Variants in DTYMK observed in about 807,000 individuals in gnomAD.
DTYMK encodes deoxythymidylate kinase.
Under a neutral mutation model 20.3 loss-of-function variants are expected in DTYMK, and 20 were observed. The ratio of observed to expected loss-of-function variants is 0.99; its 90% confidence interval spans 0.69 to 1.43. The LOEUF is 1.43. Ranked by LOEUF, DTYMK falls within the 40% of genes most tolerant of loss-of-function variation. The probability of loss-of-function intolerance (pLI) is 0.00; values close to 1 mark genes in which losing one functional copy is unlikely to be tolerated. For synonymous variants in DTYMK, 148 were observed against 124.4 expected, an observed-to-expected ratio of 1.19 and a Z score of -1.27; for missense variants, 320 against 291.1, an observed-to-expected ratio of 1.10 and a Z score of -0.72.
intron 2 of DTYMK, chr2:241,682,689 A>C (rs2069288394): frequency 5.8e-6 from 1 of 172,132 alleles, no homozygotes; most frequent in Non-Finnish European, 1.3e-5. Context: ...TGGGAGGCTA[A>C]AGCAGGTGGA....
chr2:241,681,217 G>A (rs1158637598), intron 2 of DTYMK, among the ~76,000 whole-genome samples: 2 of 152,204 alleles, frequency 1.3e-5, no homozygotes, highest in East Asian at 3.8e-4. Context: ...CAGTCTCACT[G>A]GGGCCTTCAA....
At chr2:241,680,857 A>G (rs2069242448) in intron 2 of DTYMK, among the ~76,000 whole-genome samples, 1 of 152,328 alleles carries the variant, frequency 6.6e-6, no homozygotes, top group Middle Eastern at 3.4e-3. Context: ...AATAGTAACA[A>G]ACACAACTGG....
intron 1 of DTYMK, among the ~76,000 whole-genome samples, chr2:241,686,086 T>C (rs1296411570): frequency 2.0e-5 from 3 of 152,100 alleles, no homozygotes; most frequent in Non-Finnish European, 4.4e-5. Context: ...GGATGAAAAA[T>C]GCTTTAGGAA....
chr2:241,684,718 CAACATT>C lies in DTYMK; in HGVS notation c.239+1045_239+1050del, dbSNP rs1052974532. On this transcript the variant is annotated intron_variant, in intron 2 of 4. Transcript: ENST00000305784. ...ATAAAAACATTGAAAGAACACACATCAACATTAAGTGTTGAATGAAGAGGAAACCTA... is the reference window on the plus strand; with the variant it reads ...ATAAAAACATTGAAAGAACACACATCAAGTGTTGAATGAAGAGGAAACCTA... 18 of 466,324 alleles carry C rather than the reference CAACATT, an allele frequency of 3.9e-5. No individual in the cohort carries two copies. The highest frequency in any genetic ancestry group is 1.4e-4 in the East Asian group (2 of 14,384). 28.9% of individuals were successfully genotyped at this position (466,324 alleles called of 1,614,324 possible).
rs2069387212 is a variant in DTYMK, at chr2:241,686,002, C to G, written c.131-125G>C. ...CGTTGAATTTTACTTTACTAAATCT[C>G]TAGACAGGCTTGGATCTTCTGCGGA... On this transcript the variant is annotated intron_variant, in intron 1 of 4. Transcript: ENST00000305784. 7.7e-6 allele frequency: 7 copies of G among 906,532 alleles called. No homozygotes were observed. In the East Asian group the frequency reaches 1.6e-4, roughly 20 times the overall value. 56.2% of individuals were successfully genotyped at this position (906,532 alleles called of 1,614,324 possible).
intron 1 of DTYMK, 57 bp from the exon 2 acceptor site, chr2:241,685,934 T>C (rs2069385275): frequency 6.5e-7 from 1 of 1,543,424 alleles, no homozygotes; most frequent in East Asian, 2.3e-5. Flanking sequence ...CCCTCTATAT[T>C]ACAATATAGT....
At position 241,678,772 on chromosome 2, in the gene DTYMK, T is replaced by C. The variant is rs986535159; in HGVS notation, c.331-123A>G. On this transcript the variant is annotated intron_variant, in intron 3 of 4. Transcript: ENST00000305784. ...GTACCAAGATGTGAGACTGTTTATA[T>C]TGTGGCTCGTTTAATTTTTAGAACC... 1.0e-5 allele frequency: 11 copies of C among 1,098,426 alleles called. No individual in the cohort carries two copies. In the East Asian group the frequency reaches 2.6e-4, roughly 26 times the overall value. 68.0% of individuals were successfully genotyped at this position (1,098,426 alleles called of 1,614,324 possible).
intron 4 of DTYMK, 116 bp from the exon 5 acceptor site, chr2:241,676,353 T>C (rs2069116603): frequency 1.0e-6 from 1 of 953,952 alleles, no homozygotes; most frequent in Non-Finnish European, 1.5e-6. Context: ...GAGGACTGCT[T>C]GTACCCAGGA....
chr2:241,680,080 C>A, intron 3 of DTYMK, 149 bp downstream of exon 3: 1 of 678,956 alleles, frequency 1.5e-6, no homozygotes, highest in Non-Finnish European at 2.4e-6. Context: ...ATTGATAAAA[C>A]CAAATTAATC....
chr2:241,676,783 C>G (rs1329743547), intron 4 of DTYMK, among the ~76,000 whole-genome samples: 6 of 152,232 alleles, frequency 3.9e-5, no homozygotes, highest in African/African-American at 1.2e-4. Context: ...CCCAGCCCAC[C>G]AGGTCGAGGT....
intron 2 of DTYMK, chr2:241,682,767 T>C (rs895947007): frequency 6.7e-6 from 1 of 149,838 alleles, no homozygotes; most frequent in African/African-American, 2.7e-5. Flanking sequence ...AACTAAAAAA[T>C]AGAAAAATTA....
At chr2:241,679,075 C>A (rs1045586242) in intron 3 of DTYMK, among the ~76,000 whole-genome samples, 11 of 152,332 alleles carry the variant, frequency 7.2e-5, no homozygotes, top group African/African-American at 2.6e-4. Context: ...GCCACACACA[C>A]GCCAGGGTCT....
At chr2:241,685,567 G>T in intron 2 of DTYMK, 1 of 508,558 alleles carries the variant, frequency 2.0e-6, no homozygotes. Flanking sequence ...GGGGTGTGGG[G>T]AGCAGGAGGA....
intron 4 of DTYMK, among the ~76,000 whole-genome samples, chr2:241,677,347 C>T (rs1028870116): frequency 9.8e-5 from 15 of 152,350 alleles, no homozygotes; most frequent in African/African-American, 2.2e-4. Context: ...CCTCTCCGGG[C>T]GGAATGACTG....
At chr2:241,680,850 A>T (rs1167005201) in intron 2 of DTYMK, among the ~76,000 whole-genome samples, 1 of 152,244 alleles carries the variant, frequency 6.6e-6, no homozygotes, top group African/African-American at 2.4e-5. Context: ...CTTACTAAAT[A>T]GTAACAAACA....
Position 241,686,686 on chromosome 2 carries a change from G to A in DTYMK, c.98C>T (p.Ala33Val), listed in dbSNP as rs1444947103. The A allele has an allele frequency of 5.9e-6, 9 of 1,531,838 alleles. No homozygotes were observed. The highest frequency in any genetic ancestry group is 4.3e-5 in the African/African-American group (3 of 69,954). The allele number at this position is 1,531,838 out of a possible 1,614,324, so 94.9% of individuals were successfully genotyped here. A position where few individuals can be genotyped will look rare whatever the true frequency, so the allele number is the denominator to read the frequency against. ...SRKLVEALCA[A>V]GHRAELLRFP... ...CCGGAGCAGTTCGGCGCGGTGGCCCGCGGCGCACAGCGCTTCCACCAGCTT... is the reference window on the plus strand; with the variant it reads ...CCGGAGCAGTTCGGCGCGGTGGCCCACGGCGCACAGCGCTTCCACCAGCTT... The change falls in exon 1 of 5, where the codon GCG becomes GTG. Residue 33 changes from alanine to valine, a missense_variant. By Grantham distance (64) the Ala-to-Val change is moderately conservative (BLOSUM62 0). Transcript: ENST00000305784.
At chr2:241,683,288 T>C (rs576254144) in intron 2 of DTYMK, among the ~76,000 whole-genome samples, 4 of 152,296 alleles carry the variant, frequency 2.6e-5, no homozygotes, top group Admixed American at 1.3e-4. Flanking sequence ...TCTGGAGCAA[T>C]AGCAACCCTT....
At chr2:241,682,742 C>G in intron 2 of DTYMK, 1 of 167,282 alleles carries the variant, frequency 6.0e-6, no homozygotes, top group South Asian at 1.1e-4. Flanking sequence ...GCCAACATGA[C>G]GAAACCCCAT....
chr2:241,676,102 G>A lies in DTYMK; in HGVS notation c.*25C>T, dbSNP rs751214234. 5.1e-6 allele frequency: 8 copies of A among 1,582,948 alleles called. No individual in the cohort carries two copies. In the African/African-American group the frequency reaches 6.8e-5, roughly 13 times the overall value. On this transcript the variant is annotated 3_prime_UTR_variant, in exon 5 of 5. Coordinates refer to ENST00000305784, the MANE Select transcript of DTYMK (RefSeq NM_012145.4). ...CACCTCTCGGGGGACTGCAGGGAGA[G>A]GCGTCTCCAGTGGGCAGCCTTGGGT...
Sources: gnomAD v4.1 joint callset for allele counts (sites outside exome capture counted in the v4.1 genomes callset) on GRCh38, gnomAD v4.1.1 for gene constraint, MANE v1.5 for transcripts, NCBI Gene and HGNC (gene_info 2026-07-23, HGNC 2026-07-21) for gene names.